LINGO2: variants seen among roughly 807,000 people sequenced by gnomAD.
LINGO2 encodes the protein leucine rich repeat and Ig domain containing 2, also known as leucine-rich repeat and immunoglobulin-like domain-containing nogo receptor-interacting protein 2.
A neutral mutation model predicts 30.6 loss-of-function variants in LINGO2; 14 were observed. That is an observed-to-expected ratio of 0.46 (90% confidence interval 0.30 to 0.72). LINGO2 has a LOEUF of 0.72. Among genes scored for constraint, LINGO2 ranks in the 30% least tolerant of loss-of-function variants. The pLI is 0.07. For synonymous variants in LINGO2, 317 were observed against 288.5 expected, an observed-to-expected ratio of 1.10 and a Z score of -1.00; for missense variants, 729 against 751.7, an observed-to-expected ratio of 0.97 and a Z score of 0.35.
At chr9:28,397,428 G>A (rs1235208494) in intron 2 of LINGO2, among the ~76,000 whole-genome samples, 5 of 147,286 alleles carry the variant, frequency 3.4e-5, no homozygotes, top group African/African-American at 1.2e-4. Flanking sequence ...ATTAACACAT[G>A]TATTACCTCA....
intron 4 of LINGO2, among the ~76,000 whole-genome samples, chr9:28,245,193 A>T (rs548336339): frequency 1.3e-5 from 2 of 152,348 alleles, no homozygotes; most frequent in South Asian, 4.1e-4. Flanking sequence ...AAACTGAACC[A>T]ATGATAAAAA....
rs116129255 is a variant in LINGO2 at position 28,545,897 on chromosome 9, A to G, written c.-364-69872T>C. 4.7e-3 allele frequency among the ~76,000 whole-genome samples: 708 copies of G among 152,188 alleles called. 8 individuals carry two copies. The highest frequency in any genetic ancestry group is 0.016 in the African/African-American group (648 of 41,564). On this transcript the variant is annotated intron_variant, in intron 1 of 5. Coordinates refer to ENST00000379992, the Ensembl canonical transcript of LINGO2. The stretch of plus-strand genomic sequence containing the variant: ...AGAAAGTGGGTGAGTAAACTTTTAA[A>G]TTGTATCTGTCTGGTTCCTGAAAGA...
intron 4 of LINGO2, among the ~76,000 whole-genome samples, chr9:28,059,366 A>G (rs1005076289): frequency 4.6e-5 from 7 of 151,618 alleles, no homozygotes; most frequent in South Asian, 4.2e-4. Context: ...CCCCCACCCC[A>G]CCGGGTCCCA....
At chr9:28,281,906 C>T (rs1823341336) in intron 4 of LINGO2, among the ~76,000 whole-genome samples, 1 of 152,058 alleles carries the variant, frequency 6.6e-6, no homozygotes, top group Non-Finnish European at 1.5e-5. Flanking sequence ...TTGCTTGAAC[C>T]TGTACCTGTT....
chr9:28,174,936 G>GAC (rs1564018827), intron 4 of LINGO2, among the ~76,000 whole-genome samples: 17 of 151,942 alleles, frequency 1.1e-4, no homozygotes, highest in African/African-American at 4.1e-4. Context: ...GAGAGAGAGA[G>GAC]AGAGAGAGAG....
chr9:28,071,266 C>A (rs891912198), intron 4 of LINGO2, among the ~76,000 whole-genome samples: 6 of 152,140 alleles, frequency 3.9e-5, no homozygotes, highest in Non-Finnish European at 8.8e-5. Flanking sequence ...CAGCTCTTAA[C>A]AACTATTGCC....
chr9:28,256,354 G>C (rs1343122326), intron 4 of LINGO2, among the ~76,000 whole-genome samples: 2 of 151,536 alleles, frequency 1.3e-5, no homozygotes, highest in Non-Finnish European at 2.9e-5. Context: ...GCCAACTATT[G>C]ATTAATTCTT....
chr9:28,803,149 G>A, the LINGO2 span, among the ~76,000 whole-genome samples: 130 of 152,088 alleles, frequency 8.5e-4, no homozygotes, highest in African/African-American at 3.0e-3. Context: ...CTGTATCATC[G>A]AATTTATTTT....
chr9:29,173,025 G>C, the LINGO2 span, among the ~76,000 whole-genome samples: 26 of 151,982 alleles, frequency 1.7e-4, no homozygotes, highest in Non-Finnish European at 1.5e-5. Flanking sequence ...AACCTGAATT[G>C]AGAAAATCAC....
chr9:27,998,114 A>T (rs1245516594), intron 5 of LINGO2, among the ~76,000 whole-genome samples: 3 of 152,178 alleles, frequency 2.0e-5, no homozygotes, highest in Non-Finnish European at 2.9e-5. Flanking sequence ...CAGGCCCTTG[A>T]AAGGTAAGGT....
intron 2 of LINGO2, among the ~76,000 whole-genome samples, chr9:28,450,093 G>A (rs1824591444): frequency 6.6e-6 from 1 of 151,998 alleles, no homozygotes; most frequent in Admixed American, 6.6e-5. Flanking sequence ...TTCCCGGTAT[G>A]CAAGATGACT....
the LINGO2 span, among the ~76,000 whole-genome samples, chr9:29,124,122 CTGATCTT>C: frequency 2.0e-5 from 3 of 152,116 alleles, no homozygotes; most frequent in Non-Finnish European, 1.5e-5. Flanking sequence ...CTACAACCAT[CTGATCTT>C]TGACAAATCT....
the LINGO2 span, among the ~76,000 whole-genome samples, chr9:28,765,326 G>C: frequency 6.6e-6 from 1 of 152,064 alleles, no homozygotes; most frequent in African/African-American, 2.4e-5. Flanking sequence ...GGACAGACTA[G>C]AGAGCCAAGA....
intron 3 of LINGO2, among the ~76,000 whole-genome samples, chr9:28,325,728 A>C: frequency 6.6e-6 from 1 of 150,750 alleles, no homozygotes; most frequent in African/African-American, 2.4e-5. Flanking sequence ...AGTCCATTAA[A>C]CCTCTTTTTC....
the LINGO2 span, among the ~76,000 whole-genome samples, chr9:28,834,376 T>C: frequency 6.6e-6 from 1 of 152,198 alleles, no homozygotes; most frequent in Non-Finnish European, 1.5e-5. Flanking sequence ...AATTTCCACA[T>C]AGAGATGCCA....
chr9:29,143,847 G>C, the LINGO2 span, among the ~76,000 whole-genome samples: 1 of 152,092 alleles, frequency 6.6e-6, no homozygotes, highest in Non-Finnish European at 1.5e-5. Flanking sequence ...CTTTGTCCGT[G>C]CCTATGTCCT....
chr9:29,090,688 A>G, the LINGO2 span, among the ~76,000 whole-genome samples: 1 of 152,098 alleles, frequency 6.6e-6, no homozygotes, highest in East Asian at 1.9e-4. Context: ...ACCCAAAATA[A>G]CAACCCAGAA....
chr9:28,566,202 G>C (rs903448092), intron 1 of LINGO2, among the ~76,000 whole-genome samples: 5 of 152,106 alleles, frequency 3.3e-5, no homozygotes, highest in Non-Finnish European at 7.3e-5. Context: ...CTGCAACAAA[G>C]GGGACAACCA....
chr9:28,580,911 A>T (rs1339767665), intron 1 of LINGO2, among the ~76,000 whole-genome samples: 1 of 151,968 alleles, frequency 6.6e-6, no homozygotes. Flanking sequence ...TTGAACCTTT[A>T]AAAAAATAAA....
Sources: gnomAD v4.1 joint callset for allele counts (sites outside exome capture counted in the v4.1 genomes callset) on GRCh38, gnomAD v4.1.1 for gene constraint, MANE v1.5 for transcripts, NCBI Gene and HGNC (gene_info 2026-07-23, HGNC 2026-07-21) for gene names.